The following TPD52L1 variants were observed in gnomAD, a reference collection of about 807,000 sequenced individuals.
The protein encoded by TPD52L1 is tumor protein D53.
TPD52L1 carries 18 observed loss-of-function variants against 28.7 expected under a neutral mutation model. That is an observed-to-expected ratio of 0.63 (90% CI 0.43 to 0.93). TPD52L1 has a LOEUF of 0.93. Among genes scored for constraint, TPD52L1 ranks in the 40% least tolerant of loss-of-function variants. The pLI is 0.00. For synonymous variants in TPD52L1, 75 were observed against 88.8 expected (o/e 0.84, Z 0.88); for missense variants, 203 against 254.8 (o/e 0.80, Z 1.39).
rs1797410110 is a variant in TPD52L1, at chr6:125,253,632, A to G, written c.387-85A>G. On this transcript the variant is annotated intron_variant, in intron 4 of 6. Coordinates refer to ENST00000534000, the MANE Select transcript of TPD52L1 (RefSeq NM_003287.4). ...CAGATATTTGGAATTGCTGTTTTAG[A>G]ACTACGAATAGGGAGTTTTTCATGT... The G allele has an allele frequency of 2.5e-6, 3 of 1,213,098 alleles. No individual in the cohort carries two copies. The South Asian group carries it at 3.8e-5, about 16-fold the overall frequency. The allele number at this position is 1,213,098 out of a possible 1,614,324, so 75.1% of individuals were successfully genotyped here.
chr6:125,191,968 A>C (rs1751083906), intron 1 of TPD52L1, among the ~76,000 whole-genome samples: 1 of 152,256 alleles, frequency 6.6e-6, no homozygotes, highest in Non-Finnish European at 1.5e-5. Context: ...TTTGAACAAA[A>C]TTATGAATGA....
intron 5 of TPD52L1, among the ~76,000 whole-genome samples, chr6:125,255,131 A>G (rs1562393576): frequency 2.0e-5 from 3 of 152,210 alleles, no homozygotes. Flanking sequence ...GGGTGTCAGA[A>G]GAAGGCTAGT....
In TPD52L1 at chr6:125,163,440, G is replaced by A. The variant is rs183475126; in HGVS notation, c.19+9470G>A. Among the ~76,000 whole-genome samples, 180 of 151,980 alleles carry A rather than the reference G, an allele frequency of 1.2e-3. 1 individual carries two copies. The highest frequency in any genetic ancestry group is 0.011 in the Admixed American group (163 of 15,240). ...CTACAAAAAATAAAGAAGTAAATTG[G>A]GCATGGTGATGCATGCATGTATTCC... is the stretch of plus-strand genomic sequence containing the variant. On this transcript the variant is annotated intron_variant, in intron 1 of 6. Coordinates refer to ENST00000534000, the MANE Select transcript of TPD52L1 (RefSeq NM_003287.4).
At chr6:125,190,351 C>T (rs1423649637) in intron 1 of TPD52L1, among the ~76,000 whole-genome samples, 1 of 152,012 alleles carries the variant, frequency 6.6e-6, no homozygotes, top group Admixed American at 6.6e-5. Flanking sequence ...AAGTTGGTAG[C>T]TTGTGGGAGT....
intron 6 of TPD52L1, among the ~76,000 whole-genome samples, chr6:125,257,993 A>G (rs1219320484): frequency 6.6e-6 from 1 of 152,192 alleles, no homozygotes; most frequent in Non-Finnish European, 1.5e-5. Flanking sequence ...ATCTTTAACC[A>G]GATCAAAAAC....
chr6:125,206,274 T>G (rs1439424017), intron 1 of TPD52L1, among the ~76,000 whole-genome samples: 1 of 152,204 alleles, frequency 6.6e-6, no homozygotes, highest in Non-Finnish European at 1.5e-5. Flanking sequence ...TAACCATAAC[T>G]ATAGTAATAG....
At chr6:125,174,662 G>A (rs1791712191) in intron 1 of TPD52L1, among the ~76,000 whole-genome samples, 1 of 152,196 alleles carries the variant, frequency 6.6e-6, no homozygotes, top group Admixed American at 6.5e-5. Flanking sequence ...TACATTTTGA[G>A]GAAGAACAGG....
At chr6:125,169,830 T>C (rs533306031) in intron 1 of TPD52L1, among the ~76,000 whole-genome samples, 48 of 152,316 alleles carry the variant, frequency 3.2e-4, no homozygotes, top group African/African-American at 1.1e-3. Flanking sequence ...AGTTCTCCGG[T>C]AGTTCTTCAA....
intron 1 of TPD52L1, among the ~76,000 whole-genome samples, chr6:125,217,261 A>T (rs1209302351): frequency 1.3e-5 from 2 of 152,158 alleles, no homozygotes; most frequent in African/African-American, 2.4e-5. Context: ...ATTCAAGCAC[A>T]TTACTTTCAT....
At chr6:125,249,691 CAAAAAAA>C (rs11431442) in intron 4 of TPD52L1, among the ~76,000 whole-genome samples, 2 of 75,200 alleles carry the variant, frequency 2.7e-5, no homozygotes, top group African/African-American at 8.3e-5. Flanking sequence ...GACTCTGTCT[CAAAAAAA>C]AAAAAAAAAA....
intron 2 of TPD52L1, among the ~76,000 whole-genome samples, chr6:125,224,470 CCTCTCT>C (rs58505448): frequency 1.4e-5 from 2 of 143,370 alleles, no homozygotes; most frequent in South Asian, 2.3e-4. Flanking sequence ...AGGCTCTGGG[CCTCTCT>C]CTCTCTCTCT....
In TPD52L1 at chr6:125,189,209, G is replaced by A. The variant is rs140092192; in HGVS notation, c.20-30869G>A. On this transcript the variant is annotated intron_variant, in intron 1 of 6. Coordinates refer to ENST00000534000, the MANE Select transcript of TPD52L1 (RefSeq NM_003287.4). The stretch of plus-strand genomic sequence containing the variant: ...AAAAAGAATTTCCATATGAAACTAA[G>A]CAACACTTAAGTATATTCTTTTATA... Among the ~76,000 whole-genome samples the A allele has an allele frequency of 1.8e-3, 277 of 152,260 alleles. 1 individual carries two copies. The highest frequency in any genetic ancestry group is 6.5e-3 in the African/African-American group (270 of 41,572).
At chr6:125,172,015 C>A (rs971664305) in intron 1 of TPD52L1, among the ~76,000 whole-genome samples, 1 of 151,666 alleles carries the variant, frequency 6.6e-6, no homozygotes, top group Non-Finnish European at 1.5e-5. Context: ...AAAACGGTAC[C>A]CTTCCCCTAC....
intron 3 of TPD52L1, among the ~76,000 whole-genome samples, chr6:125,244,770 G>A (rs890934949): frequency 6.6e-6 from 1 of 152,140 alleles, no homozygotes; most frequent in African/African-American, 2.4e-5. Context: ...AATCACAGGG[G>A]ATGCCTGCCG....
chr6:125,165,092 A>ATATATATATATATATATATATATT lies in TPD52L1; in HGVS notation c.19+11129_19+11130insATATATATATATATATTTATATAT. Among the ~76,000 whole-genome samples, 436 of 104,164 alleles carry ATATATATATATATATATATATATT rather than the reference A, an allele frequency of 4.2e-3. 26 individuals carry two copies. The highest frequency in any genetic ancestry group is 0.011 in the African/African-American group (183 of 16,442). The allele number at this position is 104,164 out of a possible 152,430, so 68.3% of individuals were successfully genotyped here. On this transcript the variant is annotated intron_variant, in intron 1 of 6. Transcript: ENST00000534000. ...CCTGTCTCTTAAAAAAAAGATATAT[A>ATATATATATATATATATATATATT]TATATATTTTAACTGTATATATATA...
chr6:125,175,449 T>C (rs949880678), intron 1 of TPD52L1, among the ~76,000 whole-genome samples: 12 of 152,202 alleles, frequency 7.9e-5, no homozygotes, highest in African/African-American at 1.2e-4. Context: ...TTAAATGTTG[T>C]TCCCAACACT....
At chr6:125,250,762 G>A (rs942039068) in intron 4 of TPD52L1, among the ~76,000 whole-genome samples, 1 of 152,186 alleles carries the variant, frequency 6.6e-6, no homozygotes, top group Non-Finnish European at 1.5e-5. Context: ...ATGTGGCTTT[G>A]TCTAGTATAG....
intron 4 of TPD52L1, 49 bp downstream of exon 4, chr6:125,248,432 G>C: frequency 7.1e-7 from 1 of 1,401,332 alleles, no homozygotes; most frequent in East Asian, 2.3e-5. Flanking sequence ...TTGGCTTTCC[G>C]ATTGAAGGGA....
chr6:125,173,924 G>A (rs1791660849), intron 1 of TPD52L1, among the ~76,000 whole-genome samples: 1 of 152,046 alleles, frequency 6.6e-6, no homozygotes, highest in African/African-American at 2.4e-5. Flanking sequence ...CAAACTAAAG[G>A]GCCTGTCACA....
Sources: gnomAD v4.1 joint callset for allele counts (sites outside exome capture counted in the v4.1 genomes callset) on GRCh38, gnomAD v4.1.1 for gene constraint, MANE v1.5 for transcripts, NCBI Gene and HGNC (gene_info 2026-07-23, HGNC 2026-07-21) for gene names.